The following ZNF782 variants were observed in gnomAD, a reference collection of about 807,000 sequenced individuals.
ZNF782 encodes the protein zinc finger protein 782.
Under a neutral mutation model 13.0 loss-of-function variants are expected in ZNF782, and 12 were observed. The observed-to-expected ratio is 0.92, with a 90% CI of 0.59 to 1.50. The LOEUF (loss-of-function observed/expected upper bound fraction) is 1.50, where lower values mean the gene tolerates loss of function less well. Ranked by LOEUF, ZNF782 falls within the 40% of genes most tolerant of loss-of-function variation. ZNF782 has a pLI of 0.00. For missense variants in ZNF782, 770 were observed against 822.9 expected, an observed-to-expected ratio of 0.94 and a Z score of 0.79; for synonymous variants, 284 against 283.0, an observed-to-expected ratio of 1.00 and a Z score of -0.04.
the ZNF782 span, among the ~76,000 whole-genome samples, chr9:96,910,557 T>G: frequency 2.1e-5 from 2 of 94,902 alleles, no homozygotes; most frequent in Admixed American, 1.0e-4. Context: ...TGACACACAC[T>G]CTCCACCACC....
intron 4 of ZNF782, among the ~76,000 whole-genome samples, chr9:96,834,519 C>T (rs1207866033): frequency 6.7e-6 from 1 of 148,224 alleles, no homozygotes; most frequent in Non-Finnish European, 1.5e-5. Flanking sequence ...GTTCCTGTGA[C>T]AGTGAGTTAT....
At chr9:96,932,049 T>C in the ZNF782 span, 9 of 1,609,626 alleles carry the variant, frequency 5.6e-6, no homozygotes, top group Non-Finnish European at 5.9e-6. Context: ...CCAGGCACCC[T>C]CTGTGGAGGT....
chr9:96,897,870 C>A, the ZNF782 span: 1 of 151,810 alleles, frequency 6.6e-6, no homozygotes, highest in Admixed American at 6.6e-5. Context: ...TTGGCTGTAA[C>A]AATTAAACTA....
chr9:96,841,566 C>A (rs1029351083), intron 4 of ZNF782, among the ~76,000 whole-genome samples: 3 of 151,752 alleles, frequency 2.0e-5, no homozygotes, highest in African/African-American at 4.8e-5. Flanking sequence ...AAGGCTGGTT[C>A]AATATTTGAA....
At chr9:96,827,297 T>C in intron 4 of ZNF782, 116 bp from the exon 5 acceptor site, 1 of 581,356 alleles carries the variant, frequency 1.7e-6, no homozygotes, top group Non-Finnish European at 2.8e-6. Flanking sequence ...TGGACCTTCC[T>C]TGGGGAAGTA....
the ZNF782 span, chr9:96,895,654 A>C: frequency 0.014 from 2,193 of 152,362 alleles, 30 homozygotes; most frequent in Middle Eastern, 0.048. Context: ...TTCTGAACTC[A>C]GACTCAGGGT....
In ZNF782 at chr9:96,819,219, C is replaced by T. The variant is rs543119525; in HGVS notation, c.804G>A (p.Lys268=). 1 of 1,611,172 alleles carries T rather than the reference C, an allele frequency of 6.2e-7. No homozygotes were observed. The highest frequency in any genetic ancestry group is 1.1e-5 in the South Asian group (1 of 90,352). The part of the protein sequence containing the change: ...FIIPQNMNPE[K]SHYEFNDTGN... ...CAGTATCATTAAACTCATAGTGACT[C>T]TTCTCTGGATTCATGTTCTGAGGAA... The change falls in exon 6 of 6, where the codon AAG becomes AAA. Residue 268 remains lysine (K), a synonymous_variant. Transcript: ENST00000481138.
intron 5 of ZNF782, among the ~76,000 whole-genome samples, chr9:96,826,460 TAGTG>T (rs1850624131): frequency 6.6e-6 from 1 of 152,186 alleles, no homozygotes; most frequent in African/African-American, 2.4e-5. Flanking sequence ...GATGATGAGT[TAGTG>T]GGTGCAGCGC....
At chr9:96,831,432 G>A (rs925352408) in intron 4 of ZNF782, among the ~76,000 whole-genome samples, 1 of 152,084 alleles carries the variant, frequency 6.6e-6, no homozygotes, top group African/African-American at 2.4e-5. Flanking sequence ...TCTTTAGGCT[G>A]GGCGCCGTGG....
At chr9:96,918,621 G>A in the ZNF782 span, 6 of 152,238 alleles carry the variant, frequency 3.9e-5, no homozygotes, top group African/African-American at 1.5e-4. Flanking sequence ...TAAATTGCGG[G>A]GGTGGTCAGC....
the ZNF782 span, among the ~76,000 whole-genome samples, chr9:96,929,440 A>G: frequency 9.1e-3 from 1,370 of 151,252 alleles, 50 homozygotes; most frequent in East Asian, 0.1. Flanking sequence ...CATAGTGTTT[A>G]GAGGGATTTG....
intron 4 of ZNF782, among the ~76,000 whole-genome samples, chr9:96,835,334 G>A (rs1176679226): frequency 6.6e-6 from 1 of 152,240 alleles, no homozygotes; most frequent in African/African-American, 2.4e-5. Flanking sequence ...CCGTGTGGAA[G>A]AGAATGAAGG....
At chr9:96,881,674 T>C in the ZNF782 span, among the ~76,000 whole-genome samples, 1 of 152,126 alleles carries the variant, frequency 6.6e-6, no homozygotes, top group African/African-American at 2.4e-5. Context: ...AAGACTATCC[T>C]TCCCTTGCTG....
intron 1 of ZNF782, among the ~76,000 whole-genome samples, chr9:96,871,540 A>G (rs1355733457): frequency 6.6e-6 from 1 of 152,206 alleles, no homozygotes; most frequent in Non-Finnish European, 1.5e-5. Flanking sequence ...CTGAAACAAA[A>G]AATTAAAGGT....
At chr9:96,932,575 G>A in the ZNF782 span, among the ~76,000 whole-genome samples, 1 of 152,214 alleles carries the variant, frequency 6.6e-6, no homozygotes, top group African/African-American at 2.4e-5. Flanking sequence ...ACATTAATCT[G>A]GCTGTGGCTC....
chr9:96,889,237 G>T, the ZNF782 span: 1 of 152,136 alleles, frequency 6.6e-6, no homozygotes, highest in African/African-American at 2.4e-5. Context: ...TTCCTAAAAT[G>T]CAGCTTTCAG....
the ZNF782 span, among the ~76,000 whole-genome samples, chr9:96,887,142 C>A: frequency 6.6e-6 from 1 of 151,276 alleles, no homozygotes. Flanking sequence ...GGTGAAACCC[C>A]GTCTTTACTA....
intron 4 of ZNF782, among the ~76,000 whole-genome samples, chr9:96,842,003 T>C (rs1044400812): frequency 6.6e-6 from 1 of 151,990 alleles, no homozygotes; most frequent in Non-Finnish European, 1.5e-5. Flanking sequence ...CAGCAAGATC[T>C]CAGCATAAAA....
the ZNF782 span, among the ~76,000 whole-genome samples, chr9:96,923,186 C>T: frequency 3.3e-5 from 5 of 149,636 alleles, no homozygotes; most frequent in African/African-American, 9.8e-5. Flanking sequence ...CACACACACA[C>T]ACTCAATACT....
Sources: gnomAD v4.1 joint callset for allele counts (sites outside exome capture counted in the v4.1 genomes callset) on GRCh38, gnomAD v4.1.1 for gene constraint, MANE v1.5 for transcripts, NCBI Gene and HGNC (gene_info 2026-07-23, HGNC 2026-07-21) for gene names.